Variants in CTDP1 observed in about 807,000 individuals in gnomAD.
CTDP1 encodes RNA polymerase II subunit A C-terminal domain phosphatase.
Under a neutral mutation model 91.8 loss-of-function variants are expected in CTDP1, and 47 were observed. That is an observed-to-expected ratio of 0.51 (90% CI 0.41 to 0.65). CTDP1 has a LOEUF of 0.65. Ranked by LOEUF, CTDP1 falls within the 30% of genes least tolerant of loss-of-function variation. The pLI, the probability that CTDP1 is intolerant of heterozygous loss-of-function variation, is 0.00. For missense variants in CTDP1, 1,272 were observed against 1,373.7 expected (o/e 0.93, Z 1.17); for synonymous variants, 656 against 598.5 (o/e 1.10, Z -1.40).
intron 1 of CTDP1, among the ~76,000 whole-genome samples, chr18:79,694,765 T>G (rs1242992342): frequency 1.3e-5 from 2 of 152,250 alleles, no homozygotes; most frequent in Non-Finnish European, 2.9e-5. Context: ...CAGTTTGTGT[T>G]TATATAAAAC....
At chr18:79,722,659 G>A (rs987226007) in intron 10 of CTDP1, among the ~76,000 whole-genome samples, 3 of 152,170 alleles carry the variant, frequency 2.0e-5, no homozygotes, top group Admixed American at 6.5e-5. Flanking sequence ...TCACTTGTAC[G>A]TGTTGGAAAC....
chr18:79,745,137 G>A (rs1164106022), intron 12 of CTDP1, among the ~76,000 whole-genome samples: 1 of 152,216 alleles, frequency 6.6e-6, no homozygotes, highest in East Asian at 1.9e-4. Flanking sequence ...GTTCATGTGA[G>A]TTTCAGGCTT....
intron 1 of CTDP1, 145 bp from the exon 2 acceptor site, chr18:79,695,080 A>G: frequency 1.3e-6 from 1 of 751,930 alleles, no homozygotes; most frequent in Non-Finnish European, 2.4e-6. Context: ...AAATGCCCTC[A>G]AGGGGTGATG....
At chr18:79,698,876 A>G (rs1372490113) in intron 4 of CTDP1, among the ~76,000 whole-genome samples, 2 of 152,186 alleles carry the variant, frequency 1.3e-5, no homozygotes, top group African/African-American at 4.8e-5. Context: ...GGGGCGTGGT[A>G]CCAACAGCTG....
intron 8 of CTDP1, among the ~76,000 whole-genome samples, chr18:79,717,237 GC>G (rs1206056360): frequency 6.6e-6 from 1 of 150,708 alleles, no homozygotes; most frequent in African/African-American, 2.4e-5. Context: ...CCGAGTGAGG[GC>G]CCTGAGCCCT....
At chr18:79,746,464 G>T (rs180929931) in intron 12 of CTDP1, among the ~76,000 whole-genome samples, 3 of 152,364 alleles carry the variant, frequency 2.0e-5, no homozygotes, top group African/African-American at 7.2e-5. Flanking sequence ...GGTTGTGTTC[G>T]TTCTCCCTTC....
At chr18:79,679,498 G>T (rs893368247), upstream of CTDP1, 1 of 457,114 alleles carries the variant, frequency 2.2e-6, no homozygotes, top group Non-Finnish European at 4.4e-6. Flanking sequence ...ACGCAGGCCT[G>T]CGTTGAACGC....
chr18:79,753,563 C>T (rs886326728), intron 12 of CTDP1, 89 bp from the exon 13 acceptor site: 47 of 1,600,132 alleles, frequency 2.9e-5, no homozygotes, highest in Middle Eastern at 3.3e-4. Context: ...GTTAAAACCA[C>T]GGAAGCCACT....
chr18:79,729,456 C>G (rs2086520663), intron 11 of CTDP1, among the ~76,000 whole-genome samples: 1 of 152,202 alleles, frequency 6.6e-6, no homozygotes, highest in African/African-American at 2.4e-5. Context: ...GTCAACACCC[C>G]CTGCCTGACG....
chr18:79,680,511 A>G (rs1312695752), intron 1 of CTDP1, among the ~76,000 whole-genome samples: 6 of 152,168 alleles, frequency 3.9e-5, no homozygotes, highest in Non-Finnish European at 7.3e-5. Context: ...TGGAAAAGCT[A>G]TGTTTGTTTC....
At chr18:79,701,933 G>A (rs2085867999) in intron 4 of CTDP1, among the ~76,000 whole-genome samples, 1 of 152,216 alleles carries the variant, frequency 6.6e-6, no homozygotes, top group African/African-American at 2.4e-5. Context: ...GAACAGATGA[G>A]GAGTTGCTTC....
At chr18:79,737,689 G>GGTGGCGGAGACCTGCC (rs1411793859) in intron 12 of CTDP1, among the ~76,000 whole-genome samples, 12 of 152,164 alleles carry the variant, frequency 7.9e-5, no homozygotes, top group Non-Finnish European at 1.3e-4. Flanking sequence ...GGTTCTGGGT[G>GGTGGCGGAGACCTGCC]GTGGCGGAGA....
intron 1 of CTDP1, among the ~76,000 whole-genome samples, chr18:79,685,972 T>TG (rs1335779180): frequency 3.3e-5 from 5 of 152,216 alleles, no homozygotes; most frequent in East Asian, 1.9e-4. Flanking sequence ...GCCTAAAATT[T>TG]GGGGGGCTGT....
chr18:79,704,862 G>A lies in CTDP1; in HGVS notation c.717G>A (p.Leu239=). 6.2e-7 allele frequency: 1 copy of A among 1,613,916 alleles called. No homozygotes were observed. The change falls in exon 5 of 13, where the codon CTG becomes CTA. Residue 239 remains leucine, a synonymous_variant. Transcript: ENST00000613122. ...ACTTCCTGGAGAAGATCGCCAAGCT[G>A]TACGAGCTGCACGTCTTCACCTTCG... ...CKDFLEKIAK[L]YELHVFTFGS...
At chr18:79,685,598 A>G (rs2085478366) in intron 1 of CTDP1, 1 of 152,222 alleles carries the variant, frequency 6.6e-6, no homozygotes, top group African/African-American at 2.4e-5. Flanking sequence ...TTCCAACAGC[A>G]ACGGTATTGC....
rs751391952 is a variant in CTDP1 at position 79,717,937 on chromosome 18, A to G, written c.2338A>G (p.Lys780Glu). 9 of 1,613,360 alleles carry G rather than the reference A, an allele frequency of 5.6e-6. No homozygotes were observed. In the South Asian group the frequency reaches 8.8e-5, roughly 16 times the overall value. Residue 780 changes from lysine to glutamate, a missense_variant, in exon 10 of 13, where the codon AAG (lysine) becomes GAG (glutamate). By Grantham distance (56) the Lys-to-Glu change is moderately conservative. Around this residue, in one of 3 missense-constraint regions of CTDP1, gnomAD observed 881 missense variants for 911.6 expected, o/e 0.97. Coordinates refer to ENST00000613122, the MANE Select transcript of CTDP1 (RefSeq NM_004715.5). Reference sequence around the variant, plus strand: ...TCGGATCTACGACTCCAACACGGGGAAGCTCATCAGGACGGGCGCCCGGGG... The same window carrying G: ...TCGGATCTACGACTCCAACACGGGGGAGCTCATCAGGACGGGCGCCCGGGG... Reference protein sequence around the residue: ...EVRIYDSNTGKLIRTGARGPP... With the variant: ...EVRIYDSNTGELIRTGARGPP...
intron 1 of CTDP1, among the ~76,000 whole-genome samples, chr18:79,690,752 C>G (rs1271392921): frequency 6.6e-6 from 1 of 152,218 alleles, no homozygotes; most frequent in East Asian, 1.9e-4. Context: ...TGAGCAGCTT[C>G]CCTGCCTCCA....
At position 79,714,568 on chromosome 18, in the gene CTDP1, G is replaced by A; in HGVS notation, c.1108G>A (p.Gly370Arg). The change falls in exon 8 of 13, where the codon GGA becomes AGA. Residue 370 changes from glycine (G) to arginine (R), a missense_variant. Gly to Arg is a moderately radical substitution (Grantham distance 125). This residue lies in a region of CTDP1 where 881 missense variants were observed against 911.6 expected (regional missense o/e 0.97). Coordinates refer to ENST00000613122, the MANE Select transcript of CTDP1 (RefSeq NM_004715.5). ...CCCTGAGGGGGTAACGCAGGCCCCT[G>A]GAGTGGAGCCCAGCAATGGCCTGGA... is the stretch of plus-strand genomic sequence containing the variant. ...RDPEGVTQAP[G>R]VEPSNGLEKP... 6.2e-7 allele frequency: 1 copy of A among 1,613,160 alleles called. No homozygotes were observed. The highest frequency in any genetic ancestry group is 8.5e-7 in the Non-Finnish European group (1 of 1,180,040).
intron 12 of CTDP1, among the ~76,000 whole-genome samples, chr18:79,736,906 T>TGGG (rs1555684250): frequency 2.7e-5 from 4 of 149,978 alleles, no homozygotes; most frequent in East Asian, 4.0e-4. Context: ...GTTCTGCAGG[T>TGGG]GGGGGGTCTG....
Sources: gnomAD v4.1 joint callset for allele counts (sites outside exome capture counted in the v4.1 genomes callset) on GRCh38, gnomAD v4.1.1 for gene constraint, gnomAD v4.1.1 regional missense constraint, MANE v1.5 for transcripts, NCBI Gene and HGNC (gene_info 2026-07-23, HGNC 2026-07-21) for gene names.